Variants in IQSEC3 observed in about 807,000 individuals in gnomAD.
IQSEC3 encodes the protein IQ motif and SEC7 domain-containing protein 3.
In IQSEC3, 50 loss-of-function variants were observed where a neutral mutation model predicts 105.4. The ratio of observed to expected loss-of-function variants is 0.47; its 90% CI spans 0.38 to 0.60. IQSEC3 has a LOEUF of 0.60. Ranked by LOEUF, IQSEC3 falls within the 20% of genes least tolerant of loss-of-function variation. The pLI is 0.00. For synonymous variants in IQSEC3, 708 were observed against 746.0 expected (o/e 0.95, Z 0.83); for missense variants, 1,415 against 1,630.0 (o/e 0.87, Z 2.27).
intron 1 of IQSEC3, among the ~76,000 whole-genome samples, chr12:75,115 T>A (rs1555068664): frequency 1.3e-5 from 2 of 152,270 alleles, no homozygotes; most frequent in Non-Finnish European, 2.9e-5. Context: ...ATGCAAATTC[T>A]CCTAGGAAGG....
intron 1 of IQSEC3, among the ~76,000 whole-genome samples, chr12:79,515 C>T (rs1160525365): frequency 1.3e-5 from 2 of 152,188 alleles, no homozygotes; most frequent in African/African-American, 2.4e-5. Flanking sequence ...TCTGCAGCCT[C>T]GAACTCCTGC....
At chr12:162,126 T>G in intron 8 of IQSEC3, 61 bp downstream of exon 8, 125 of 1,570,332 alleles carry the variant, frequency 8.0e-5, no homozygotes, top group Non-Finnish European at 1.0e-4. Flanking sequence ...CTGGCATCTC[T>G]TCCCATTCTC....
Position 165,983 on chromosome 12 carries a change from C to T in IQSEC3, c.2971+93C>T, listed in dbSNP as rs755357144. The stretch of plus-strand genomic sequence containing the variant: ...GACAGACATGCCTGACTCCAGGGAG[C>T]TGGCCCCACTTCGGACCCTCCCCGT... On this transcript the variant is annotated intron_variant, in intron 11 of 13. Transcript: ENST00000538872. 6.2e-6 allele frequency: 9 copies of T among 1,451,176 alleles called. 1 individual carries two copies. The South Asian group carries it at 1.2e-4, about 19-fold the overall frequency. 89.9% of individuals were successfully genotyped at this position (1,451,176 alleles called of 1,614,324 possible).
intron 3 of IQSEC3, among the ~76,000 whole-genome samples, chr12:131,799 G>A (rs1299574471): frequency 6.6e-6 from 1 of 152,176 alleles, no homozygotes; most frequent in African/African-American, 2.4e-5. Context: ...GGACAGTGCA[G>A]GTTGGGGGCC....
At chr12:90,530 A>G (rs782365313) in intron 1 of IQSEC3, among the ~76,000 whole-genome samples, 65 of 152,162 alleles carry the variant, frequency 4.3e-4, no homozygotes, top group Non-Finnish European at 7.8e-4. Context: ...ATTGAAGTCT[A>G]TTTTTTTGCA....
chr12:143,730 G>C, intron 5 of IQSEC3: 1 of 174,744 alleles, frequency 5.7e-6, no homozygotes, highest in South Asian at 9.6e-5. Context: ...TGGGGTGCCA[G>C]GGTTCATGGG....
intron 2 of IQSEC3, 93 bp from the exon 3 acceptor site, chr12:125,540 G>A (rs1054711269): frequency 1.5e-5 from 19 of 1,293,706 alleles, no homozygotes; most frequent in Non-Finnish European, 1.9e-5. Flanking sequence ...GGAAAGGCAG[G>A]CCAGAGTGCC....
chr12:153,375 C>G (rs1485483144), intron 5 of IQSEC3, among the ~76,000 whole-genome samples: 1 of 152,102 alleles, frequency 6.6e-6, no homozygotes, highest in East Asian at 1.9e-4. Context: ...TCGTCTGCCC[C>G]CTGCCGTTGG....
intron 8 of IQSEC3, among the ~76,000 whole-genome samples, chr12:162,451 GCAT>G (rs202000060): frequency 0.015 from 2,355 of 152,274 alleles, 24 homozygotes; most frequent in Middle Eastern, 0.024. Flanking sequence ...CCAGGCTGTG[GCAT>G]CACCATAGAT....
intron 2 of IQSEC3, among the ~76,000 whole-genome samples, chr12:114,950 T>C (rs1326414691): frequency 1.3e-5 from 2 of 152,122 alleles, no homozygotes; most frequent in Non-Finnish European, 2.9e-5. Context: ...AGATAACACA[T>C]GGAAGCCACA....
chr12:76,086 TCA>T (rs55736036), intron 1 of IQSEC3, among the ~76,000 whole-genome samples: 11,431 of 146,622 alleles, frequency 0.078, 130 homozygotes, highest in African/African-American at 0.11. Flanking sequence ...GAGAGTTTCA[TCA>T]CACACACACA....
At chr12:102,601 C>A (rs1272088235) in intron 2 of IQSEC3, among the ~76,000 whole-genome samples, 1 of 152,190 alleles carries the variant, frequency 6.6e-6, no homozygotes, top group African/African-American at 2.4e-5. Context: ...AGAGCCTCAC[C>A]CCTCCCGAAG....
chr12:146,481 A>G (rs183999616), intron 5 of IQSEC3, among the ~76,000 whole-genome samples: 2 of 152,042 alleles, frequency 1.3e-5, no homozygotes, highest in Admixed American at 1.3e-4. Context: ...CATCTCTACA[A>G]AAAAATTTTT....
chr12:175,312 T>G lies in IQSEC3; in HGVS notation c.*279T>G. The G allele has an allele frequency of 7.1e-6, 3 of 419,616 alleles. No individual in the cohort carries two copies. The highest frequency in any genetic ancestry group is 2.0e-5 in the African/African-American group (1 of 49,714). 26.0% of individuals were successfully genotyped at this position (419,616 alleles called of 1,614,324 possible). ...GCCTCCTCTTCCCCTGGCCACCACTTTCCCCCATTGGACCATGGACTGAAG... is the reference window on the plus strand; with the variant it reads ...GCCTCCTCTTCCCCTGGCCACCACTGTCCCCCATTGGACCATGGACTGAAG... On this transcript the variant is annotated 3_prime_UTR_variant, in exon 14 of 14. Transcript: ENST00000538872.
intron 5 of IQSEC3, among the ~76,000 whole-genome samples, chr12:151,275 G>T (rs146707692): frequency 2.3e-5 from 3 of 132,320 alleles, no homozygotes; most frequent in Non-Finnish European, 5.0e-5. Flanking sequence ...CTCCTCCAGC[G>T]TGTGTCTGCA....
At chr12:117,575 C>A (rs1308018015) in intron 2 of IQSEC3, among the ~76,000 whole-genome samples, 2 of 152,164 alleles carry the variant, frequency 1.3e-5, no homozygotes, top group Admixed American at 1.3e-4. Flanking sequence ...CTGTGGCCCA[C>A]CTTGAGGGAG....
At chr12:103,852 T>TCGG (rs1864543155) in intron 2 of IQSEC3, among the ~76,000 whole-genome samples, 1 of 2,708 alleles carries the variant, frequency 3.7e-4, no homozygotes, top group Non-Finnish European at 6.7e-4. Flanking sequence ...GTGGAGTTCA[T>TCGG]GAGGGGAGGC....
In IQSEC3 at chr12:100,859, G is replaced by C. The variant is rs576696161; in HGVS notation, c.623+1645G>C. On this transcript the variant is annotated intron_variant, in intron 2 of 13. Coordinates refer to ENST00000538872, the MANE Select transcript of IQSEC3 (RefSeq NM_001170738.2). The stretch of plus-strand genomic sequence containing the variant: ...GGAGAAGGAAAGAGGAGAGCGTGGA[G>C]ATGTGGAAGACACCAGGATGTTGTA... 2.0e-5 allele frequency among the ~76,000 whole-genome samples: 3 copies of C among 152,290 alleles called. No individual in the cohort carries two copies. In the South Asian group the frequency reaches 6.2e-4, roughly 32 times the overall value.
chr12:127,771 A>T (rs1464883107), intron 3 of IQSEC3, among the ~76,000 whole-genome samples: 1 of 151,972 alleles, frequency 6.6e-6, no homozygotes, highest in African/African-American at 2.4e-5. Context: ...TAGATTCTGG[A>T]TATTAGCCCT....
Sources: allele counts gnomAD v4.1 joint callset (sites outside exome capture counted in the v4.1 genomes callset), GRCh38; gene constraint gnomAD v4.1.1; transcripts MANE v1.5; gene names NCBI Gene and HGNC (gene_info 2026-07-23, HGNC 2026-07-21).